The following CADM2 variants were observed in gnomAD, a reference collection of about 807,000 sequenced individuals.
The protein encoded by CADM2 is immunoglobulin superfamily member 4D.
In CADM2, 12 loss-of-function variants were observed where a neutral mutation model predicts 49.8. The ratio of observed to expected loss-of-function variants is 0.24; its 90% confidence interval spans 0.15 to 0.39. The LOEUF is 0.39. CADM2 is among the 10% of genes least tolerant of loss of function. CADM2 has a pLI of 1.00. For synonymous variants in CADM2, 214 were observed against 175.4 expected (o/e 1.22, Z -1.74); for missense variants, 378 against 492.3 (o/e 0.77, Z 2.20).
At chr3:85,768,463 A>AAAT (rs1451402222) in intron 2 of CADM2, among the ~76,000 whole-genome samples, 6,425 of 103,054 alleles carry the variant, frequency 0.062, 451 homozygotes, top group African/African-American at 0.19. Context: ...ATAAATAAAT[A>AAAT]AATAAATAAT....
intron 2 of CADM2, among the ~76,000 whole-genome samples, chr3:85,737,779 C>G (rs368782988): frequency 6.6e-6 from 1 of 151,990 alleles, no homozygotes; most frequent in African/African-American, 2.4e-5. Flanking sequence ...AGGATTGTCT[C>G]GATCTCCTGA....
chr3:85,893,650 G>C (rs569452216), intron 5 of CADM2, among the ~76,000 whole-genome samples: 36 of 151,802 alleles, frequency 2.4e-4, no homozygotes, highest in African/African-American at 8.7e-4. Flanking sequence ...AAATTTACAA[G>C]AAAAAAACAA....
intron 8 of CADM2, chr3:86,014,505 C>T (rs1022658983): frequency 5.8e-6 from 9 of 1,546,514 alleles, no homozygotes; most frequent in Middle Eastern, 4.8e-4. Flanking sequence ...TGGAAAATAC[C>T]ACAGTGTTCA....
In CADM2 at chr3:86,002,599, T is replaced by C. The variant is rs576017368; in HGVS notation, c.970+40952T>C. Among the ~76,000 whole-genome samples the C allele has an allele frequency of 2.5e-3, 379 of 152,304 alleles. 1 individual carries two copies. Among genetic ancestry groups the C allele is most frequent in the Middle Eastern group, 3.4e-3 (1 of 294 alleles). On this transcript the variant is annotated intron_variant, in intron 8 of 9. Coordinates refer to ENST00000383699, the MANE Select transcript of CADM2 (RefSeq NM_001167675.2). ...CACATCAGGCTTACCTGGGAAACTT[T>C]CTAAAATTAAATTCCCTAAGTTTAA...
At chr3:85,249,902 C>G (rs2042736397) in intron 1 of CADM2, among the ~76,000 whole-genome samples, 1 of 151,812 alleles carries the variant, frequency 6.6e-6, no homozygotes, top group African/African-American at 2.4e-5. Flanking sequence ...GGAGAGTTAA[C>G]TTGAAACGGC....
At chr3:86,047,561 G>A (rs1736824883) in intron 8 of CADM2, among the ~76,000 whole-genome samples, 1 of 152,138 alleles carries the variant, frequency 6.6e-6, no homozygotes, top group African/African-American at 2.4e-5. Flanking sequence ...AGAGCTACAA[G>A]TCACTTTGTG....
At chr3:85,927,181 A>G (rs2108517313) in intron 6 of CADM2, among the ~76,000 whole-genome samples, 1 of 152,278 alleles carries the variant, frequency 6.6e-6, no homozygotes. Flanking sequence ...GTGACGAGTA[A>G]ATTTGATTTT....
chr3:85,103,058 G>T (rs2038070644), intron 1 of CADM2, among the ~76,000 whole-genome samples: 1 of 152,236 alleles, frequency 6.6e-6, no homozygotes, highest in African/African-American at 2.4e-5. Context: ...AATGAGAAAG[G>T]CTACCTTGGA....
chr3:85,357,799 A>G (rs1477435817), intron 1 of CADM2, among the ~76,000 whole-genome samples: 1 of 152,118 alleles, frequency 6.6e-6, no homozygotes, highest in Non-Finnish European at 1.5e-5. Context: ...TAGAGATTGT[A>G]TCATTTAAAG....
intron 1 of CADM2, among the ~76,000 whole-genome samples, chr3:85,036,793 C>T (rs2035231940): frequency 6.6e-6 from 1 of 151,748 alleles, no homozygotes; most frequent in South Asian, 2.1e-4. Flanking sequence ...TTAAGAAAAA[C>T]TGAACCCACC....
rs544889632 is a variant in CADM2 at position 85,969,389 on chromosome 3, T to A, written c.970+7742T>A. The stretch of plus-strand genomic sequence containing the variant: ...TCTTTATAGAAATTTTGCCTCTGCT[T>A]GGAATGCTTGTCCAAGATGCACAAG... On this transcript the variant is annotated intron_variant, in intron 8 of 9. Coordinates refer to ENST00000383699, the MANE Select transcript of CADM2 (RefSeq NM_001167675.2). 1.6e-4 allele frequency among the ~76,000 whole-genome samples: 24 copies of A among 151,502 alleles called. No individual in the cohort carries two copies. The South Asian group carries it at 5.0e-3, about 31-fold the overall frequency.
chr3:85,089,047 C>T (rs987247413), intron 1 of CADM2, among the ~76,000 whole-genome samples: 1 of 152,032 alleles, frequency 6.6e-6, no homozygotes, highest in Non-Finnish European at 1.5e-5. Flanking sequence ...GAGCTCTAGA[C>T]AATCTGAAAC....
At chr3:85,364,584 A>G (rs933181721) in intron 1 of CADM2, among the ~76,000 whole-genome samples, 2 of 152,210 alleles carry the variant, frequency 1.3e-5, no homozygotes, top group Non-Finnish European at 2.9e-5. Context: ...AGCACATCAT[A>G]CCTCAAAATT....
At chr3:85,652,204 A>G (rs544673226) in intron 1 of CADM2, among the ~76,000 whole-genome samples, 49 of 152,112 alleles carry the variant, frequency 3.2e-4, no homozygotes, top group African/African-American at 1.0e-3. Context: ...GAGGCAGTGG[A>G]TGCTTCCTTT....
chr3:85,683,882 T>TAATC (rs2066113287), intron 1 of CADM2, among the ~76,000 whole-genome samples: 2 of 152,190 alleles, frequency 1.3e-5, no homozygotes, highest in African/African-American at 4.8e-5. Context: ...TTGAACAAAG[T>TAATC]AATCACTATG....
chr3:85,638,243 GAA>G (rs1395249000), intron 1 of CADM2, among the ~76,000 whole-genome samples: 2 of 152,100 alleles, frequency 1.3e-5, no homozygotes, highest in Non-Finnish European at 2.9e-5. Context: ...ACATCTATAT[GAA>G]ATGCATGAAT....
In CADM2 at chr3:85,658,615, T is replaced by C. The variant is rs868237399; in HGVS notation, c.62-67907T>C. Among the ~76,000 whole-genome samples the C allele has an allele frequency of 5.3e-3, 700 of 132,270 alleles. 9 individuals carry two copies. Among genetic ancestry groups the C allele is most frequent in the African/African-American group, 0.012 (411 of 34,574 alleles). 86.8% of individuals were successfully genotyped at this position (132,270 alleles called of 152,430 possible). ...ATATATATATATATATATATATATA[T>C]ATACATGTATGCATATGTTTGTTTA... On this transcript the variant is annotated intron_variant, in intron 1 of 9. Coordinates refer to ENST00000383699, the MANE Select transcript of CADM2 (RefSeq NM_001167675.2).
chr3:85,168,604 A>T (rs1171018344), intron 1 of CADM2, among the ~76,000 whole-genome samples: 2 of 152,164 alleles, frequency 1.3e-5, no homozygotes, highest in Non-Finnish European at 2.9e-5. Flanking sequence ...TATATTTGGT[A>T]TTCTTTAAAA....
At chr3:85,544,146 G>C (rs2107065279) in intron 1 of CADM2, among the ~76,000 whole-genome samples, 1 of 152,284 alleles carries the variant, frequency 6.6e-6, no homozygotes, top group African/African-American at 2.4e-5. Flanking sequence ...ATGACACCTT[G>C]TTTTGAGAGA....
Sources: gnomAD v4.1 joint callset for allele counts (sites outside exome capture counted in the v4.1 genomes callset) on GRCh38, gnomAD v4.1.1 for gene constraint, MANE v1.5 for transcripts, NCBI Gene and HGNC (gene_info 2026-07-23, HGNC 2026-07-21) for gene names.